The following CA10 variants were observed in gnomAD, a reference collection of about 807,000 sequenced individuals.
The protein encoded by CA10 is carbonic anhydrase 10 (inactive).
A neutral mutation model predicts 44.2 loss-of-function variants in CA10; 14 were observed. That is an observed-to-expected ratio of 0.32 (90% CI 0.21 to 0.50). The LOEUF (loss-of-function observed/expected upper bound fraction) is 0.50, where lower values mean the gene tolerates loss of function less well. CA10 is among the 20% of genes least tolerant of loss of function. The pLI, the probability that CA10 is intolerant of heterozygous loss-of-function variation, is 0.99. For synonymous variants in CA10, 159 were observed against 141.6 expected, an observed-to-expected ratio of 1.12 and a Z score of -0.87; for missense variants, 350 against 409.7, an observed-to-expected ratio of 0.85 and a Z score of 1.26.
intron 1 of CA10, among the ~76,000 whole-genome samples, chr17:52,119,260 A>C (rs996066246): frequency 1.7e-5 from 2 of 119,386 alleles, no homozygotes. Context: ...CTTATGGCAA[A>C]GTAGTTATTT....
intron 3 of CA10, among the ~76,000 whole-genome samples, chr17:51,849,183 G>GTA (rs56120539): frequency 2.3e-3 from 177 of 76,422 alleles, no homozygotes; most frequent in Non-Finnish European, 3.9e-3. Context: ...ATACATATAT[G>GTA]TATATATATA....
chr17:52,015,200 C>A (rs1442588559), intron 2 of CA10, among the ~76,000 whole-genome samples: 1 of 152,006 alleles, frequency 6.6e-6, no homozygotes, highest in African/African-American at 2.4e-5. Context: ...CGTATAATGA[C>A]ACTTTTTCTA....
intron 3 of CA10, among the ~76,000 whole-genome samples, chr17:51,910,605 C>A (rs1167444066): frequency 6.6e-6 from 1 of 152,156 alleles, no homozygotes; most frequent in Non-Finnish European, 1.5e-5. Context: ...AACTTTATTA[C>A]AAGTGAAAAT....
At chr17:52,120,827 C>G (rs984185052) in intron 1 of CA10, among the ~76,000 whole-genome samples, 1 of 152,194 alleles carries the variant, frequency 6.6e-6, no homozygotes, top group Non-Finnish European at 1.5e-5. Context: ...GCAGGACCCA[C>G]TCTTTCTTTG....
intron 1 of CA10, among the ~76,000 whole-genome samples, chr17:52,096,976 G>A (rs1412513558): frequency 6.6e-6 from 1 of 152,146 alleles, no homozygotes; most frequent in African/African-American, 2.4e-5. Context: ...ATGTATAAAT[G>A]ATCATGGATT....
Position 52,048,042 on chromosome 17 carries a change from ATT to A in CA10, c.136+24275_136+24276del, listed in dbSNP as rs1491233489. Reference sequence around the variant, plus strand: ...CATCCAATCTCCCACACCCACAAAAATTAAAAAAAAAAAAAACATTTGTTTTT... The same window carrying A: ...CATCCAATCTCCCACACCCACAAAAAAAAAAAAAAAAAAACATTTGTTTTT... On this transcript the variant is annotated intron_variant, in intron 2 of 8. Coordinates refer to ENST00000451037, the MANE Select transcript of CA10 (RefSeq NM_020178.5). Among the ~76,000 whole-genome samples, 201 of 114,150 alleles carry A rather than the reference ATT, an allele frequency of 1.8e-3. No homozygotes were observed. The South Asian group carries it at 0.026, about 15-fold the overall frequency. The allele number at this position is 114,150 out of a possible 152,430, so 74.9% of individuals were successfully genotyped here.
chr17:51,860,109 C>A (rs192657144), intron 3 of CA10, among the ~76,000 whole-genome samples: 1 of 152,276 alleles, frequency 6.6e-6, no homozygotes, highest in East Asian at 1.9e-4. Flanking sequence ...ACAGGCATAT[C>A]CCATTTCATC....
rs147949732 is a variant in CA10, at chr17:51,738,373, A to G, written c.465+9260T>C. Among the ~76,000 whole-genome samples, 724 of 152,260 alleles carry G rather than the reference A, an allele frequency of 4.8e-3. 10 individuals are homozygous for G. The highest frequency in any genetic ancestry group is 0.016 in the African/African-American group (678 of 41,534). On this transcript the variant is annotated intron_variant, in intron 4 of 8. Coordinates refer to ENST00000451037, the MANE Select transcript of CA10 (RefSeq NM_020178.5). ...ATTATCTGGATTACTTATATTTAAT[A>G]TTACTGAACTGTTCTGGAGGGTTAT...
At chr17:52,014,620 A>T (rs1193874226) in intron 2 of CA10, among the ~76,000 whole-genome samples, 1 of 152,082 alleles carries the variant, frequency 6.6e-6, no homozygotes, top group Non-Finnish European at 1.5e-5. Context: ...TAAGTAGATA[A>T]ATGTGACATA....
intron 1 of CA10, among the ~76,000 whole-genome samples, chr17:52,078,312 G>A (rs1038435191): frequency 1.3e-5 from 2 of 152,236 alleles, no homozygotes; most frequent in Non-Finnish European, 2.9e-5. Flanking sequence ...AAGGGATCCA[G>A]TTGGGGAAGG....
At chr17:52,042,440 G>GT (rs908641369) in intron 2 of CA10, among the ~76,000 whole-genome samples, 8 of 151,748 alleles carry the variant, frequency 5.3e-5, no homozygotes, top group African/African-American at 9.7e-5. Flanking sequence ...TAAATTAGGG[G>GT]TTTTTTTGTT....
intron 3 of CA10, among the ~76,000 whole-genome samples, chr17:51,827,244 A>G (rs1908045296): frequency 1.3e-5 from 2 of 151,960 alleles, no homozygotes; most frequent in Admixed American, 1.3e-4. Flanking sequence ...CTATATCACT[A>G]CCACCCCCTT....
intron 2 of CA10, among the ~76,000 whole-genome samples, chr17:51,948,658 A>T (rs203004): frequency 2.6e-5 from 4 of 152,126 alleles, no homozygotes; most frequent in African/African-American, 9.7e-5. Context: ...TTTTATTATG[A>T]CTTTTTTGTG....
At chr17:51,950,895 G>A (rs1006325432) in intron 2 of CA10, among the ~76,000 whole-genome samples, 6 of 152,100 alleles carry the variant, frequency 3.9e-5, no homozygotes, top group Middle Eastern at 3.2e-3. Context: ...TTTCTGCTAT[G>A]TGCTTAGCTC....
At chr17:51,931,419 T>A (rs1598124336) in intron 2 of CA10, among the ~76,000 whole-genome samples, 2 of 152,284 alleles carry the variant, frequency 1.3e-5, no homozygotes, top group African/African-American at 4.8e-5. Flanking sequence ...AATGCTAACA[T>A]CATTGTTCAG....
intron 2 of CA10, among the ~76,000 whole-genome samples, chr17:52,012,990 A>C (rs1156819994): frequency 2.0e-5 from 3 of 152,054 alleles, no homozygotes; most frequent in African/African-American, 7.2e-5. Flanking sequence ...GCCAAGGTGT[A>C]CATATAGACA....
chr17:51,849,171 A>T (rs1978640008), intron 3 of CA10, among the ~76,000 whole-genome samples: 1 of 102,796 alleles, frequency 9.7e-6, no homozygotes, highest in African/African-American at 3.6e-5. Context: ...ATGTATATAT[A>T]TATACATATA....
intron 2 of CA10, among the ~76,000 whole-genome samples, chr17:51,969,031 T>C (rs1191168239): frequency 1.3e-5 from 2 of 152,018 alleles, no homozygotes. Flanking sequence ...CATGGATTTT[T>C]TTCTCTCCAC....
At chr17:51,848,105 T>G (rs975327882) in intron 3 of CA10, among the ~76,000 whole-genome samples, 3 of 152,140 alleles carry the variant, frequency 2.0e-5, no homozygotes, top group African/African-American at 7.2e-5. Flanking sequence ...ATAAGTAATA[T>G]TTTCATGCAA....
Sources: allele counts gnomAD v4.1 joint callset (sites outside exome capture counted in the v4.1 genomes callset), GRCh38; gene constraint gnomAD v4.1.1; transcripts MANE v1.5; gene names NCBI Gene and HGNC (gene_info 2026-07-23, HGNC 2026-07-21).